Variants in CCDC178 observed in about 807,000 individuals in gnomAD.
The protein encoded by CCDC178 is coiled-coil domain containing 178.
Under a neutral mutation model 117.4 loss-of-function variants are expected in CCDC178, and 126 were observed. The ratio of observed to expected loss-of-function variants is 1.07; its 90% CI spans 0.93 to 1.24. CCDC178 has a LOEUF of 1.24. Ranked by LOEUF, CCDC178 falls within the 50% of genes most tolerant of loss-of-function variation. The pLI, the probability that CCDC178 is intolerant of heterozygous loss-of-function variation, is 0.00. For synonymous variants in CCDC178, 283 were observed against 313.4 expected, an observed-to-expected ratio of 0.90 and a Z score of 1.02; for missense variants, 1,030 against 986.9, an observed-to-expected ratio of 1.04 and a Z score of -0.59.
At chr18:32,973,925 G>A (rs1033249381) in intron 22 of CCDC178, among the ~76,000 whole-genome samples, 3 of 151,914 alleles carry the variant, frequency 2.0e-5, no homozygotes, top group African/African-American at 7.3e-5. Flanking sequence ...AAAAGTTTAA[G>A]TAATATTTAA....
chr18:33,327,154 G>T (rs570124514), intron 10 of CCDC178, among the ~76,000 whole-genome samples: 1 of 152,244 alleles, frequency 6.6e-6, no homozygotes, highest in South Asian at 2.1e-4. Context: ...TAATCCTTCT[G>T]TGTCTATGGA....
intron 7 of CCDC178, among the ~76,000 whole-genome samples, chr18:33,352,841 A>G (rs2062995455): frequency 6.6e-6 from 1 of 152,116 alleles, no homozygotes; most frequent in Non-Finnish European, 1.5e-5. Flanking sequence ...TATATGATCT[A>G]TCCTGAAGAA....
rs1426164789 is a variant in CCDC178, at chr18:33,149,639, A to G, written c.2239-56729T>C. ...GAATAAGTGAAGGGCCATATGCTGTATAATGAGGTCTCCATCTCCCTTCCC... is the reference window on the plus strand; with the variant it reads ...GAATAAGTGAAGGGCCATATGCTGTGTAATGAGGTCTCCATCTCCCTTCCC... On this transcript the variant is annotated intron_variant, in intron 20 of 22. Coordinates refer to ENST00000383096, the MANE Select transcript of CCDC178 (RefSeq NM_001105528.4). Among the ~76,000 whole-genome samples the G allele has an allele frequency of 6.6e-5, 10 of 152,338 alleles. No individual in the cohort carries two copies. The East Asian group carries it at 1.9e-3, about 29-fold the overall frequency.
intron 2 of CCDC178, among the ~76,000 whole-genome samples, chr18:33,436,866 C>T (rs535244584): frequency 7.2e-5 from 11 of 152,270 alleles, no homozygotes; most frequent in African/African-American, 2.6e-4. Context: ...CACATGCACA[C>T]CAGTAGTTGT....
At chr18:33,321,936 GATTA>G (rs1205454694) in intron 11 of CCDC178, among the ~76,000 whole-genome samples, 2 of 151,690 alleles carry the variant, frequency 1.3e-5, no homozygotes, top group African/African-American at 2.4e-5. Flanking sequence ...AAATTATTGA[GATTA>G]ATTAAAATTA....
intron 21 of CCDC178, among the ~76,000 whole-genome samples, chr18:33,058,750 A>T (rs1283052662): frequency 1.3e-5 from 2 of 152,144 alleles, no homozygotes; most frequent in Admixed American, 1.3e-4. Flanking sequence ...GGTTTTTTTA[A>T]GGTTTAACAA....
intron 10 of CCDC178, among the ~76,000 whole-genome samples, chr18:33,332,193 C>T (rs559034725): frequency 5.9e-5 from 9 of 152,072 alleles, no homozygotes; most frequent in Non-Finnish European, 1.3e-4. Context: ...TTTATTAACA[C>T]ACACGCATAT....
chr18:33,059,450 G>A (rs1378632738), intron 21 of CCDC178, among the ~76,000 whole-genome samples: 1 of 151,994 alleles, frequency 6.6e-6, no homozygotes, highest in Non-Finnish European at 1.5e-5. Flanking sequence ...ACCTATCCTA[G>A]AGGTTTGCCC....
chr18:33,227,783 A>C (rs1184968138), intron 15 of CCDC178, among the ~76,000 whole-genome samples: 1 of 152,012 alleles, frequency 6.6e-6, no homozygotes, highest in African/African-American at 2.4e-5. Context: ...ACCTCAAGCA[A>C]AAGAATAATT....
chr18:33,012,428 A>G (rs1399849702), intron 21 of CCDC178, among the ~76,000 whole-genome samples: 1 of 152,188 alleles, frequency 6.6e-6, no homozygotes, highest in Non-Finnish European at 1.5e-5. Context: ...ATTAGGATTC[A>G]GAATATTTTA....
At chr18:33,420,922 T>A (rs1330736936) in intron 2 of CCDC178, among the ~76,000 whole-genome samples, 1 of 152,110 alleles carries the variant, frequency 6.6e-6, no homozygotes, top group Non-Finnish European at 1.5e-5. Flanking sequence ...AAAGAATATA[T>A]CACAATGGAA....
At position 33,326,519 on chromosome 18, in the gene CCDC178, CTTG is replaced by C. The variant is rs557791853; in HGVS notation, c.880-2889_880-2887del. Among the ~76,000 whole-genome samples the C allele has an allele frequency of 2.9e-4, 44 of 152,242 alleles. 1 individual carries two copies. The South Asian group carries it at 8.9e-3, about 31-fold the overall frequency. ...TGGAACTCTGGAGGGGCTGAGTGTC[CTTG>C]GAAGCCTTGTTTTATGGCCTTAGCA... On this transcript the variant is annotated intron_variant, in intron 10 of 22. Coordinates refer to ENST00000383096, the MANE Select transcript of CCDC178 (RefSeq NM_001105528.4).
intron 16 of CCDC178, 70 bp downstream of exon 16, chr18:33,226,723 G>A: frequency 1.7e-6 from 2 of 1,144,462 alleles, no homozygotes; most frequent in South Asian, 2.7e-5. Flanking sequence ...CTCATTACAG[G>A]CAAATTTAAA....
chr18:33,330,936 G>A (rs990082658), intron 10 of CCDC178, among the ~76,000 whole-genome samples: 6 of 145,772 alleles, frequency 4.1e-5, no homozygotes, highest in Non-Finnish European at 9.0e-5. Context: ...CTGGAATAAT[G>A]TTTGACCAAA....
intron 21 of CCDC178, among the ~76,000 whole-genome samples, chr18:33,028,115 A>C (rs1201503560): frequency 6.6e-6 from 1 of 151,730 alleles, no homozygotes; most frequent in East Asian, 1.9e-4. Flanking sequence ...TCTAAAGAAT[A>C]TATTAATAGA....
At chr18:33,408,348 CA>C (rs1422384007) in intron 3 of CCDC178, among the ~76,000 whole-genome samples, 1 of 151,538 alleles carries the variant, frequency 6.6e-6, no homozygotes, top group Non-Finnish European at 1.5e-5. Context: ...GGCACACACA[CA>C]AAAAACCAGC....
chr18:33,327,880 C>T (rs796593228), intron 10 of CCDC178, among the ~76,000 whole-genome samples: 18 of 151,932 alleles, frequency 1.2e-4, no homozygotes, highest in African/African-American at 4.3e-4. Context: ...TAGAAGAGTT[C>T]CTCATATATT....
chr18:33,366,207 G>A (rs1274154902), intron 6 of CCDC178, among the ~76,000 whole-genome samples: 1 of 152,042 alleles, frequency 6.6e-6, no homozygotes, highest in Non-Finnish European at 1.5e-5. Flanking sequence ...GCTCATGCCT[G>A]TAATCCTAAC....
chr18:33,195,876 G>A (rs1364986678), intron 20 of CCDC178, among the ~76,000 whole-genome samples: 1 of 152,076 alleles, frequency 6.6e-6, no homozygotes, highest in East Asian at 1.9e-4. Flanking sequence ...ATCCTTTGAG[G>A]CTGGATGTGG....
Sources: allele counts gnomAD v4.1 joint callset (sites outside exome capture counted in the v4.1 genomes callset), GRCh38; gene constraint gnomAD v4.1.1; transcripts MANE v1.5; gene names NCBI Gene and HGNC (gene_info 2026-07-23, HGNC 2026-07-21).